The following KDM5B variants were observed in gnomAD, a reference collection of about 807,000 sequenced individuals.
KDM5B encodes lysine-specific demethylase 5B.
Under a neutral mutation model 193.4 loss-of-function variants are expected in KDM5B, and 144 were observed. The observed-to-expected ratio is 0.74, with a 90% CI of 0.65 to 0.86. The LOEUF (loss-of-function observed/expected upper bound fraction) is 0.86. KDM5B is among the 40% of genes least tolerant of loss of function. The pLI is 0.00. For missense variants in KDM5B, 1,833 were observed against 1,886.9 expected, an observed-to-expected ratio of 0.97 and a Z score of 0.53; for synonymous variants, 668 against 682.6, an observed-to-expected ratio of 0.98 and a Z score of 0.33.
intron 1 of KDM5B, among the ~76,000 whole-genome samples, chr1:202,792,275 T>C (rs1657672624): frequency 6.6e-6 from 1 of 151,526 alleles, no homozygotes; most frequent in African/African-American, 2.4e-5. Flanking sequence ...ATTCCTTATA[T>C]TAGCTGCCTA....
At chr1:202,733,932 C>A in intron 22 of KDM5B, 46 bp from the exon 23 acceptor site, 1 of 1,557,272 alleles carries the variant, frequency 6.4e-7, no homozygotes, top group Non-Finnish European at 8.7e-7. Flanking sequence ...GATGGCTTGG[C>A]CTTCCCCTAA....
chr1:202,733,779 T>A lies in KDM5B; in HGVS notation c.3531A>T (p.Lys1177Asn), dbSNP rs962025179. Residue 1177 changes from lysine (K) to asparagine (N), a missense_variant, in exon 23 of 27, where the codon AAA becomes AAT. Physicochemically the swap from Lys to Asn is moderately conservative, Grantham distance 94. Coordinates refer to ENST00000367265, the MANE Select transcript of KDM5B (RefSeq NM_006618.5). Reference sequence around the variant, plus strand: ...CTGGGGCCTTCTGACATAGGCAGATTTTTATATCCACATCTTGGAGAGGCG... The same window carrying A: ...CTGGGGCCTTCTGACATAGGCAGATATTTATATCCACATCTTGGAGAGGCG... ...LLSPLQDVDI[K>N]ICLCQKAPAA... 12 of 1,614,158 alleles carry A rather than the reference T, an allele frequency of 7.4e-6. No individual in the cohort carries two copies. Among genetic ancestry groups the A allele is most frequent in the Non-Finnish European group, 1.0e-5 (12 of 1,180,008 alleles).
intron 22 of KDM5B, among the ~76,000 whole-genome samples, chr1:202,734,472 A>G (rs188972356): frequency 2.6e-5 from 4 of 152,298 alleles, no homozygotes; most frequent in African/African-American, 9.6e-5. Context: ...CTAACCTTTG[A>G]GTTCTACCAT....
chr1:202,784,113 G>A (rs1161367541), intron 1 of KDM5B, among the ~76,000 whole-genome samples: 1 of 152,116 alleles, frequency 6.6e-6, no homozygotes, highest in Non-Finnish European at 1.5e-5. Flanking sequence ...AGATGCTGAA[G>A]ATTTTTCCAA....
At chr1:202,780,670 A>G (rs1469314481) in intron 1 of KDM5B, among the ~76,000 whole-genome samples, 1 of 152,168 alleles carries the variant, frequency 6.6e-6, no homozygotes, top group Non-Finnish European at 1.5e-5. Context: ...ACTCAGCTAT[A>G]ATAAAAAATA....
chr1:202,742,379 C>G lies in KDM5B; in HGVS notation c.2589+12G>C, dbSNP rs754059652. ...TACCAAAGTATTCTCCCACACATCC[C>G]TCTATGGTTACCTTTAGTAATGGTG... On this transcript the variant is annotated intron_variant, in intron 18 of 26. Transcript: ENST00000367265. 7.5e-5 allele frequency: 118 copies of G among 1,576,630 alleles called. No individual in the cohort carries two copies. The highest frequency in any genetic ancestry group is 6.7e-4 in the Middle Eastern group (4 of 6,008).
intron 1 of KDM5B, among the ~76,000 whole-genome samples, chr1:202,799,642 C>T (rs1047746725): frequency 7.0e-6 from 1 of 143,514 alleles, no homozygotes; most frequent in South Asian, 2.2e-4. Flanking sequence ...GGGTGACAAG[C>T]GTGAAACTCC....
intron 21 of KDM5B, among the ~76,000 whole-genome samples, chr1:202,735,938 G>A (rs879935604): frequency 3.3e-5 from 5 of 152,204 alleles, no homozygotes; most frequent in Non-Finnish European, 5.9e-5. Context: ...TCAGGTGGGC[G>A]AAGCACGGCC....
intron 1 of KDM5B, among the ~76,000 whole-genome samples, chr1:202,785,144 T>C (rs961833104): frequency 6.6e-6 from 1 of 152,082 alleles, no homozygotes; most frequent in Non-Finnish European, 1.5e-5. Context: ...ACCACTGAAA[T>C]ATGAATCTTC....
intron 2 of KDM5B, among the ~76,000 whole-genome samples, chr1:202,776,481 A>G (rs148758663): frequency 0.025 from 3,776 of 152,260 alleles, 85 homozygotes; most frequent in South Asian, 0.11. Flanking sequence ...GTTTGAGACC[A>G]GCCTGGGCAA....
At chr1:202,739,454 G>A (rs1168262299) in intron 20 of KDM5B, among the ~76,000 whole-genome samples, 1 of 141,702 alleles carries the variant, frequency 7.1e-6, no homozygotes, top group Non-Finnish European at 1.5e-5. Flanking sequence ...TTTTTTTTTT[G>A]CCTTTTTTAT....
chr1:202,756,600 A>G (rs1656022545), intron 9 of KDM5B, 84 bp from the exon 10 acceptor site: 5 of 1,050,506 alleles, frequency 4.8e-6, no homozygotes, highest in Non-Finnish European at 6.6e-6. Context: ...ATCAAAGAAC[A>G]GCATCCTAAG....
At chr1:202,776,322 C>T (rs1331384739) in intron 2 of KDM5B, 1 of 152,136 alleles carries the variant, frequency 6.6e-6, no homozygotes, top group East Asian at 1.9e-4. Context: ...AGTAAACCTT[C>T]CTGTGATGTA....
chr1:202,804,029 A>C lies in KDM5B; in HGVS notation c.204+4073T>G, dbSNP rs186616197. On this transcript the variant is annotated intron_variant, in intron 1 of 26. Transcript: ENST00000367265. Reference sequence around the variant, plus strand: ...GCACACCAACATGGCACATGTGTACATATGTAACAAACCTGCACGTTGTAC... The same window carrying C: ...GCACACCAACATGGCACATGTGTACCTATGTAACAAACCTGCACGTTGTAC... 1.2e-4 allele frequency among the ~76,000 whole-genome samples: 19 copies of C among 152,022 alleles called. No individual in the cohort carries two copies. In the East Asian group the frequency reaches 3.1e-3, roughly 25 times the overall value.
At chr1:202,743,045 CAT>C (rs1558486650) in intron 16 of KDM5B, among the ~76,000 whole-genome samples, 1 of 152,044 alleles carries the variant, frequency 6.6e-6, no homozygotes. Context: ...TAAGACCTGA[CAT>C]GTTTTAGGGC....
intron 2 of KDM5B, among the ~76,000 whole-genome samples, chr1:202,775,577 C>T (rs906478212): frequency 1.2e-4 from 18 of 148,060 alleles, no homozygotes; most frequent in African/African-American, 3.0e-4. Context: ...TATACATGGT[C>T]GGGTGTGGTA....
Position 202,741,750 on chromosome 1 carries a change from T to C in KDM5B, c.2590-28A>G, listed in dbSNP as rs776337018. 6.0e-6 allele frequency: 8 copies of C among 1,336,068 alleles called. No homozygotes were observed. The East Asian group carries it at 1.6e-4, about 27-fold the overall frequency. 82.8% of individuals were successfully genotyped at this position (1,336,068 alleles called of 1,614,324 possible). On this transcript the variant is annotated intron_variant, in intron 18 of 26. Transcript: ENST00000367265. ...AAAAAAAAATACACAGGTTGTTGCATTAAAACAGTAATTTCAGTAATTGGC... is the reference window on the plus strand; with the variant it reads ...AAAAAAAAATACACAGGTTGTTGCACTAAAACAGTAATTTCAGTAATTGGC...
At chr1:202,793,853 A>C (rs1035743486) in intron 1 of KDM5B, among the ~76,000 whole-genome samples, 5 of 152,322 alleles carry the variant, frequency 3.3e-5, no homozygotes, top group South Asian at 2.1e-4. Flanking sequence ...ACCAGAGAAA[A>C]ACAGTAGTTA....
At position 202,779,502 on chromosome 1, in the gene KDM5B, A is replaced by T. The variant is rs1451061068; in HGVS notation, c.205-2408T>A. Among the ~76,000 whole-genome samples, 4 of 151,656 alleles carry T rather than the reference A, an allele frequency of 2.6e-5. No individual in the cohort carries two copies. In the East Asian group the frequency reaches 7.7e-4, roughly 29 times the overall value. ...TCAAAAAAAAAAAGAAAAAAAAGAA[A>T]ACAATTCAACCAGAGTTGAATGGCC... On this transcript the variant is annotated intron_variant, in intron 1 of 26. Transcript: ENST00000367265.
Sources: gnomAD v4.1 joint callset for allele counts (sites outside exome capture counted in the v4.1 genomes callset) on GRCh38, gnomAD v4.1.1 for gene constraint, MANE v1.5 for transcripts, NCBI Gene and HGNC (gene_info 2026-07-23, HGNC 2026-07-21) for gene names.